The following RAVER2 variants were observed in gnomAD, a reference collection of about 807,000 sequenced individuals.
The protein encoded by RAVER2 is ribonucleoprotein, PTB binding 2, also known as ribonucleoprotein PTB-binding 2.
A neutral mutation model predicts 78.1 loss-of-function variants in RAVER2; 46 were observed. The observed-to-expected ratio is 0.59, with a 90% CI of 0.46 to 0.75. The LOEUF (loss-of-function observed/expected upper bound fraction) is 0.75. Ranked by LOEUF, RAVER2 falls within the 30% of genes least tolerant of loss-of-function variation. The pLI, the probability that RAVER2 is intolerant of heterozygous loss-of-function variation, is 0.00. For missense variants in RAVER2, 793 were observed against 837.5 expected (o/e 0.95, Z 0.66); for synonymous variants, 311 against 313.3 (o/e 0.99, Z 0.08).
chr1:64,758,560 C>A (rs942767071), intron 1 of RAVER2, among the ~76,000 whole-genome samples: 1 of 152,156 alleles, frequency 6.6e-6, no homozygotes, highest in African/African-American at 2.4e-5. Context: ...GATGTTAAAG[C>A]AGTTTCTAGG....
chr1:64,806,180 G>A lies in RAVER2; in HGVS notation c.1412-1026G>A, dbSNP rs552362562. 3.9e-5 allele frequency among the ~76,000 whole-genome samples: 6 copies of A among 152,142 alleles called. No homozygotes were observed. In the East Asian group the frequency reaches 5.8e-4, roughly 15 times the overall value. On this transcript the variant is annotated intron_variant, in intron 8 of 11. Coordinates refer to ENST00000294428, the Ensembl canonical transcript of RAVER2. ...CTATAGATTTTTTAAAAAGTGGAAC[G>A]GTTCAGAATTTTCCTATTAAAACTT...
intron 5 of RAVER2, among the ~76,000 whole-genome samples, chr1:64,792,979 G>C (rs558347485): frequency 3.6e-4 from 55 of 152,296 alleles, no homozygotes; most frequent in Admixed American, 1.4e-3. Flanking sequence ...GAGGTGGGCA[G>C]ATCACCTGAG....
At chr1:64,801,729 TGG>T (rs1429923635) in intron 5 of RAVER2, among the ~76,000 whole-genome samples, 1 of 152,070 alleles carries the variant, frequency 6.6e-6, no homozygotes, top group Admixed American at 6.5e-5. Flanking sequence ...TAGCTGAGCA[TGG>T]TTGTGAGCGC....
chr1:64,773,789 T>C (rs1428378998), intron 2 of RAVER2, among the ~76,000 whole-genome samples: 1 of 152,216 alleles, frequency 6.6e-6, no homozygotes, highest in Non-Finnish European at 1.5e-5. Flanking sequence ...TAATTTACAC[T>C]CCCACCAACA....
At chr1:64,785,069 A>G (rs533447863) in intron 4 of RAVER2, among the ~76,000 whole-genome samples, 13 of 152,212 alleles carry the variant, frequency 8.5e-5, no homozygotes, top group South Asian at 2.1e-4. Flanking sequence ...TAATGCCTGC[A>G]TAAGTTCACC....
At chr1:64,816,873 C>G (rs1426144473) in intron 11 of RAVER2, among the ~76,000 whole-genome samples, 1 of 152,078 alleles carries the variant, frequency 6.6e-6, no homozygotes, top group Non-Finnish European at 1.5e-5. Flanking sequence ...AACACCAAAA[C>G]CAATGGCAAC....
At chr1:64,812,698 C>CCT in intron 9 of RAVER2, 40 bp from the exon 10 acceptor site, 1 of 1,307,294 alleles carries the variant, frequency 7.6e-7, no homozygotes, top group South Asian at 1.3e-5. Context: ...TTTTCGTGTA[C>CCT]CTCTCATTAA....
At chr1:64,815,603 C>T (rs376399732) in intron 11 of RAVER2, 1 of 152,180 alleles carries the variant, frequency 6.6e-6, no homozygotes, top group East Asian at 1.9e-4. Context: ...GAACAGCCAG[C>T]TTCTTCTCAG....
Position 64,781,472 on chromosome 1 carries a change from CG to C in RAVER2, c.881del (p.Gly294ValfsTer2). ...CTGAAGAGGTCCAGCAGGCAGCAGA[CG>C]GTATGACCATCAAGGGCAGCAAAGT... On this transcript the variant is annotated frameshift_variant, in exon 4 of 12. Transcript: ENST00000294428. LOFTEE classifies it high-confidence loss of function. 6.2e-7 allele frequency: 1 copy of C among 1,614,052 alleles called. No homozygotes were observed. Among genetic ancestry groups the C allele is most frequent in the Non-Finnish European group, 8.5e-7 (1 of 1,180,004 alleles).
At chr1:64,792,078 A>G (rs1164048806) in intron 5 of RAVER2, among the ~76,000 whole-genome samples, 1 of 152,246 alleles carries the variant, frequency 6.6e-6, no homozygotes, top group African/African-American at 2.4e-5. Flanking sequence ...GAAATGATCA[A>G]ACCTAATGTT....
intron 5 of RAVER2, among the ~76,000 whole-genome samples, chr1:64,795,153 G>T (rs928782049): frequency 5.9e-5 from 9 of 152,004 alleles, no homozygotes; most frequent in African/African-American, 1.9e-4. Flanking sequence ...TGTGTTCATT[G>T]ACCTAAATGT....
intron 2 of RAVER2, among the ~76,000 whole-genome samples, chr1:64,775,763 A>G (rs1652443276): frequency 1.3e-5 from 2 of 152,224 alleles, no homozygotes; most frequent in African/African-American, 4.8e-5. Flanking sequence ...TCAGGCCTAT[A>G]ATCCCAGCAC....
chr1:64,764,796 C>T (rs1652127904), intron 1 of RAVER2, among the ~76,000 whole-genome samples: 1 of 152,200 alleles, frequency 6.6e-6, no homozygotes, highest in Non-Finnish European at 1.5e-5. Context: ...GGCAGAACTT[C>T]TACAGGAAAC....
At chr1:64,749,876 T>A (rs189201619) in intron 1 of RAVER2, among the ~76,000 whole-genome samples, 1 of 152,272 alleles carries the variant, frequency 6.6e-6, no homozygotes, top group East Asian at 1.9e-4. Context: ...GTCATTGGGG[T>A]TTCAAAATGG....
At chr1:64,809,770 C>T (rs1274739378) in intron 9 of RAVER2, among the ~76,000 whole-genome samples, 4 of 152,226 alleles carry the variant, frequency 2.6e-5, no homozygotes, top group South Asian at 2.1e-4. Context: ...ATTTTCTTCT[C>T]CCACTAGCCC....
intron 5 of RAVER2, among the ~76,000 whole-genome samples, chr1:64,801,704 C>G (rs1260838160): frequency 6.6e-6 from 1 of 151,984 alleles, no homozygotes; most frequent in Non-Finnish European, 1.5e-5. Flanking sequence ...CCCATCTCTA[C>G]TAAAATACAA....
chr1:64,775,591 G>C (rs2100831382), intron 2 of RAVER2, among the ~76,000 whole-genome samples: 1 of 152,338 alleles, frequency 6.6e-6, no homozygotes, highest in East Asian at 1.9e-4. Flanking sequence ...AGGTGTTACT[G>C]TGTGTGACTC....
chr1:64,754,095 CTTAGAGTTGT>C (rs1651782852), intron 1 of RAVER2, among the ~76,000 whole-genome samples: 1 of 152,062 alleles, frequency 6.6e-6, no homozygotes, highest in African/African-American at 2.4e-5. Flanking sequence ...AGGCACCATA[CTTAGAGTTGT>C]TTAATATTAT....
chr1:64,812,625 T>C, intron 9 of RAVER2, 113 bp from the exon 10 acceptor site: 1 of 631,280 alleles, frequency 1.6e-6, no homozygotes, highest in Non-Finnish European at 2.6e-6. Context: ...TGAACATCCA[T>C]AAATATTTCA....
Sources: allele counts gnomAD v4.1 joint callset (sites outside exome capture counted in the v4.1 genomes callset), GRCh38; gene constraint gnomAD v4.1.1; transcripts MANE v1.5; gene names NCBI Gene and HGNC (gene_info 2026-07-23, HGNC 2026-07-21).